Variants in PCDHGA3 observed in about 807,000 individuals in gnomAD.
PCDHGA3 encodes the protein protocadherin gamma subfamily A, 3.
PCDHGA3 carries 40 observed loss-of-function variants against 58.5 expected under a neutral mutation model. The observed-to-expected ratio is 0.68, with a 90% CI of 0.53 to 0.89. The LOEUF (loss-of-function observed/expected upper bound fraction) is 0.89. Ranked by LOEUF, PCDHGA3 falls within the 40% of genes least tolerant of loss-of-function variation. The probability of loss-of-function intolerance (pLI) is 0.00; values close to 1 mark genes in which losing one functional copy is unlikely to be tolerated. For synonymous variants in PCDHGA3, 530 were observed against 525.7 expected (o/e 1.01, Z -0.11); for missense variants, 1,223 against 1,195.9 (o/e 1.02, Z -0.33).
chr5:141,387,132 C>T lies in PCDHGA3; in HGVS notation c.2424+40675C>T, dbSNP rs180939160. Among the ~76,000 whole-genome samples, 392 of 152,234 alleles carry T rather than the reference C, an allele frequency of 2.6e-3. 2 individuals carry two copies. The highest frequency in any genetic ancestry group is 9.3e-3 in the African/African-American group (386 of 41,528). ...TATTCCTGTAATGAAATCACTGAAA[C>T]TATTGGGAAGGGGGTGTATTTGAAG... On this transcript the variant is annotated intron_variant, in intron 1 of 3. Coordinates refer to ENST00000253812, the MANE Select transcript of PCDHGA3 (RefSeq NM_018916.4).
At position 141,345,562 on chromosome 5, in the gene PCDHGA3, A is replaced by G. The variant is rs771160104; in HGVS notation, c.1529A>G (p.Asn510Ser). ...PLSSFVSINSNTGVLYALRSF... is the reference protein window; with the variant it reads ...PLSSFVSINSSTGVLYALRSF... Reference sequence around the variant, plus strand: ...TCCTCCTTCGTCTCTATCAACTCCAACACTGGCGTCCTATACGCGCTGAGA... The same window carrying G: ...TCCTCCTTCGTCTCTATCAACTCCAGCACTGGCGTCCTATACGCGCTGAGA... Residue 510 changes from asparagine to serine, a missense_variant, in exon 1 of 4, where the codon AAC becomes AGC. Physicochemically the swap from Asn to Ser is conservative, Grantham distance 46 (BLOSUM62 1). Coordinates refer to ENST00000253812, the MANE Select transcript of PCDHGA3 (RefSeq NM_018916.4). 33 of 1,614,006 alleles carry G rather than the reference A, an allele frequency of 2.0e-5. No homozygotes were observed. Among genetic ancestry groups the G allele is most frequent in the Middle Eastern group, 1.6e-4 (1 of 6,084 alleles).
intron 1 of PCDHGA3, among the ~76,000 whole-genome samples, chr5:141,475,532 T>C (rs1011968434): frequency 6.6e-6 from 1 of 152,228 alleles, no homozygotes; most frequent in East Asian, 1.9e-4. Context: ...AAATGCCTCC[T>C]TACAAGTAGG....
At chr5:141,384,274 G>C (rs1396743546) in intron 1 of PCDHGA3, 1 of 1,613,704 alleles carries the variant, frequency 6.2e-7, no homozygotes, top group Non-Finnish European at 8.5e-7. Flanking sequence ...ATCCTACTCA[G>C]TCTACATCGC....
At chr5:141,421,371 T>C in intron 1 of PCDHGA3, 2 of 1,614,028 alleles carry the variant, frequency 1.2e-6, no homozygotes, top group Non-Finnish European at 1.7e-6. Flanking sequence ...TCGTGGGCAA[T>C]ATCTCCAAGG....
intron 1 of PCDHGA3, chr5:141,387,557 G>C (rs571413429): frequency 2.4e-6 from 1 of 416,144 alleles, no homozygotes; most frequent in South Asian, 5.2e-5. Context: ...TTTCAGTTAG[G>C]CACACAATTA....
chr5:141,384,837 C>T, intron 1 of PCDHGA3: 1 of 1,613,562 alleles, frequency 6.2e-7, no homozygotes, highest in Non-Finnish European at 8.5e-7. Flanking sequence ...TGGTGGCCGT[C>T]CAGGACCACG....
chr5:141,423,636 C>A, intron 1 of PCDHGA3: 1 of 1,598,388 alleles, frequency 6.3e-7, no homozygotes, highest in Non-Finnish European at 8.5e-7. Context: ...TCATTTTAGG[C>A]AAATGTGACC....
At chr5:141,409,908 C>T (rs1255447661) in intron 1 of PCDHGA3, 1 of 1,613,204 alleles carries the variant, frequency 6.2e-7, no homozygotes, top group Non-Finnish European at 8.5e-7. Context: ...GCTCTGGGTC[C>T]TGACGGCTCC....
intron 1 of PCDHGA3, chr5:141,371,473 C>T: frequency 6.2e-7 from 1 of 1,613,958 alleles, no homozygotes; most frequent in Admixed American, 1.7e-5. Flanking sequence ...CAAGAAGATG[C>T]TGAGCTGGGG....
At chr5:141,405,339 A>G in intron 1 of PCDHGA3, 1 of 1,614,178 alleles carries the variant, frequency 6.2e-7, no homozygotes, top group Non-Finnish European at 8.5e-7. Context: ...GTCTCTGTTG[A>G]TTCCAAGTTT....
At chr5:141,418,145 T>G in intron 1 of PCDHGA3, 4 of 1,614,052 alleles carry the variant, frequency 2.5e-6, no homozygotes, top group Non-Finnish European at 3.4e-6. Flanking sequence ...TGAGCAAATA[T>G]GCAAAGAGAG....
chr5:141,452,929 G>A (rs2154564099), intron 1 of PCDHGA3, among the ~76,000 whole-genome samples: 1 of 152,310 alleles, frequency 6.6e-6, no homozygotes, highest in Admixed American at 6.5e-5. Flanking sequence ...AAGAGCTGCT[G>A]AAGATTTGCT....
intron 1 of PCDHGA3, chr5:141,413,563 A>G: frequency 6.2e-7 from 1 of 1,613,918 alleles, no homozygotes; most frequent in Non-Finnish European, 8.5e-7. Context: ...AGTAACTGAT[A>G]TCAATGACAA....
At chr5:141,436,384 CT>C (rs768914860) in intron 1 of PCDHGA3, among the ~76,000 whole-genome samples, 1 of 152,104 alleles carries the variant, frequency 6.6e-6, no homozygotes, top group Non-Finnish European at 1.5e-5. Context: ...GCTGAATAGG[CT>C]TTATTAAATA....
At chr5:141,421,185 C>T in intron 1 of PCDHGA3, 1 of 1,463,494 alleles carries the variant, frequency 6.8e-7, no homozygotes, top group Non-Finnish European at 9.1e-7. Flanking sequence ...GATTCACAAC[C>T]AACCAGCTCG....
intron 2 of PCDHGA3, among the ~76,000 whole-genome samples, chr5:141,497,336 A>G (rs558221190): frequency 1.6e-3 from 251 of 152,122 alleles, no homozygotes; most frequent in Non-Finnish European, 2.8e-3. Flanking sequence ...TTCACCATTG[A>G]ACCTGGAAGC....
intron 1 of PCDHGA3, chr5:141,351,027 C>A: frequency 6.2e-7 from 1 of 1,614,084 alleles, no homozygotes; most frequent in Non-Finnish European, 8.5e-7. Context: ...CCGTGGGGAA[C>A]CTCCGTGCTG....
chr5:141,346,700 G>A (rs191297136), intron 1 of PCDHGA3, among the ~76,000 whole-genome samples: 2 of 152,254 alleles, frequency 1.3e-5, no homozygotes, highest in South Asian at 2.1e-4. Context: ...ACTTCCTAGA[G>A]GAATCTGCCA....
rs1760455892 is a variant in PCDHGA3 at position 141,357,080 on chromosome 5, G to A, written c.2424+10623G>A. The A allele has an allele frequency of 3.1e-6, 5 of 1,613,806 alleles. No homozygotes were observed. In the African/African-American group the frequency reaches 4.0e-5, roughly 13 times the overall value. On this transcript the variant is annotated intron_variant, in intron 1 of 3. Transcript: ENST00000253812. ...GTGGGGCTGCACACAGGCGAGGTGC[G>A]CACCGCACGGGCCCTGCTGGACAGA...
Sources: gnomAD v4.1 joint callset for allele counts (sites outside exome capture counted in the v4.1 genomes callset) on GRCh38, gnomAD v4.1.1 for gene constraint, MANE v1.5 for transcripts, NCBI Gene and HGNC (gene_info 2026-07-23, HGNC 2026-07-21) for gene names.